SUPT3H: variants seen among roughly 807,000 people sequenced by gnomAD.
The protein encoded by SUPT3H is transcription initiation protein SPT3 homolog.
A neutral mutation model predicts 44.3 loss-of-function variants in SUPT3H; 44 were observed. The observed-to-expected ratio is 0.99, with a 90% CI of 0.78 to 1.28. SUPT3H has a LOEUF of 1.28. Ranked by LOEUF, SUPT3H falls within the 50% of genes most tolerant of loss-of-function variation. The pLI, the probability that SUPT3H is intolerant of heterozygous loss-of-function variation, is 0.00. For synonymous variants in SUPT3H, 124 were observed against 125.6 expected, an observed-to-expected ratio of 0.99 and a Z score of 0.09; for missense variants, 380 against 387.1, an observed-to-expected ratio of 0.98 and a Z score of 0.15.
In SUPT3H at chr6:45,112,755, A is replaced by T. The variant is rs573064840; in HGVS notation, c.102-6749T>A. On this transcript the variant is annotated intron_variant, in intron 2 of 10. Coordinates refer to ENST00000371459, the MANE Select transcript of SUPT3H (RefSeq NM_003599.4). Reference sequence around the variant, plus strand: ...CAGCCTGCTGGGCCAGTCACCAAGCATACAAGGCCTACAAGCAGATCTACT... The same window carrying T: ...CAGCCTGCTGGGCCAGTCACCAAGCTTACAAGGCCTACAAGCAGATCTACT... Among the ~76,000 whole-genome samples, 46 of 152,278 alleles carry T rather than the reference A, an allele frequency of 3.0e-4. 2 individuals carry two copies. The South Asian group carries it at 9.3e-3, about 31-fold the overall frequency.
At chr6:45,177,564 C>G (rs372309478) in intron 2 of SUPT3H, among the ~76,000 whole-genome samples, 18 of 151,798 alleles carry the variant, frequency 1.2e-4, no homozygotes, top group East Asian at 9.6e-4. Flanking sequence ...AGGAAATACA[C>G]AGAACACCAC....
At chr6:45,021,259 A>G (rs1470297763) in intron 3 of SUPT3H, among the ~76,000 whole-genome samples, 2 of 152,006 alleles carry the variant, frequency 1.3e-5, no homozygotes, top group Admixed American at 6.6e-5. Flanking sequence ...TACTGCACTA[A>G]AAGTTAGATT....
chr6:45,033,628 A>G (rs1403244622), intron 3 of SUPT3H, among the ~76,000 whole-genome samples: 1 of 152,194 alleles, frequency 6.6e-6, no homozygotes, highest in Admixed American at 6.6e-5. Context: ...TAGAAATCAG[A>G]CAACTGCAAG....
intron 10 of SUPT3H, among the ~76,000 whole-genome samples, chr6:44,904,977 C>G (rs1765748545): frequency 6.6e-6 from 1 of 152,150 alleles, no homozygotes; most frequent in Non-Finnish European, 1.5e-5. Flanking sequence ...ATGTAGAAAG[C>G]TGAAACTGGA....
chr6:44,975,456 T>C (rs1778193106), intron 6 of SUPT3H, among the ~76,000 whole-genome samples: 1 of 152,190 alleles, frequency 6.6e-6, no homozygotes, highest in Middle Eastern at 3.2e-3. Context: ...TGGAGATCAT[T>C]ATTCTAAGTG....
At chr6:44,962,121 G>A (rs988474902) in intron 6 of SUPT3H, among the ~76,000 whole-genome samples, 1 of 152,052 alleles carries the variant, frequency 6.6e-6, no homozygotes, top group African/African-American at 2.4e-5. Flanking sequence ...TAAAGAAAAA[G>A]AAAATGATGA....
At chr6:44,906,300 A>T (rs998069943) in intron 10 of SUPT3H, among the ~76,000 whole-genome samples, 1 of 152,230 alleles carries the variant, frequency 6.6e-6, no homozygotes, top group South Asian at 2.1e-4. Flanking sequence ...TATCTTCAGT[A>T]TATTTAATAT....
At chr6:45,173,730 T>G (rs75895924) in intron 2 of SUPT3H, among the ~76,000 whole-genome samples, 1 of 152,210 alleles carries the variant, frequency 6.6e-6, no homozygotes, top group African/African-American at 2.4e-5. Flanking sequence ...AAAGGCCACA[T>G]ACATACTTCA....
chr6:45,273,891 T>TA (rs1443682531), intron 2 of SUPT3H, among the ~76,000 whole-genome samples: 8 of 152,218 alleles, frequency 5.3e-5, no homozygotes, highest in Admixed American at 5.2e-4. Context: ...GAAAAACTGC[T>TA]AAAAATGTTT....
intron 3 of SUPT3H, among the ~76,000 whole-genome samples, chr6:45,081,545 C>A (rs575745253): frequency 1.3e-5 from 2 of 152,060 alleles, no homozygotes; most frequent in Admixed American, 6.6e-5. Flanking sequence ...ACCATTATAT[C>A]CCCAGTACCT....
chr6:45,368,040 GA>G (rs1329508980), intron 1 of SUPT3H, among the ~76,000 whole-genome samples: 1 of 151,976 alleles, frequency 6.6e-6, no homozygotes, highest in Non-Finnish European at 1.5e-5. Context: ...CATTAAAAAA[GA>G]AAAGTCTGTT....
chr6:44,820,085 G>A (rs1183886605), intron 11 of SUPT3H, among the ~76,000 whole-genome samples: 4 of 151,980 alleles, frequency 2.6e-5, no homozygotes, highest in Non-Finnish European at 5.9e-5. Flanking sequence ...CGGGCATGGT[G>A]GCATGCGCCT....
chr6:45,039,644 G>C (rs942427113), intron 3 of SUPT3H, among the ~76,000 whole-genome samples: 1 of 152,012 alleles, frequency 6.6e-6, no homozygotes, highest in East Asian at 1.9e-4. Context: ...GCTGGGCGTG[G>C]TGTTGGGCTC....
chr6:45,276,612 T>C (rs1264419067), intron 2 of SUPT3H, among the ~76,000 whole-genome samples: 2 of 152,178 alleles, frequency 1.3e-5, no homozygotes, highest in African/African-American at 4.8e-5. Context: ...CTCTGGCCAA[T>C]AGATTAAAGT....
chr6:45,062,173 A>G (rs1262766162), intron 3 of SUPT3H, among the ~76,000 whole-genome samples: 1 of 152,046 alleles, frequency 6.6e-6, no homozygotes, highest in African/African-American at 2.4e-5. Flanking sequence ...AATTATTTCA[A>G]TTCAGTCCAT....
intron 6 of SUPT3H, among the ~76,000 whole-genome samples, chr6:44,994,037 C>T (rs190947820): frequency 6.6e-6 from 1 of 151,866 alleles, no homozygotes; most frequent in Non-Finnish European, 1.5e-5. Context: ...GGCTCAAAAA[C>T]AAAACCAATA....
chr6:45,108,201 A>G (rs1799538989), intron 2 of SUPT3H, among the ~76,000 whole-genome samples: 1 of 152,238 alleles, frequency 6.6e-6, no homozygotes, highest in African/African-American at 2.4e-5. Context: ...GGCCAGGCAC[A>G]GTGGCTCATA....
chr6:45,016,113 G>A (rs1014066454), intron 4 of SUPT3H, among the ~76,000 whole-genome samples: 1 of 151,834 alleles, frequency 6.6e-6, no homozygotes, highest in Admixed American at 6.6e-5. Flanking sequence ...TATGTGCTAT[G>A]CTTTTATACC....
Position 44,828,512 on chromosome 6 carries a change from G to GAAAC in SUPT3H, c.*1300_*1303dup, listed in dbSNP as rs1293630871. ...AATAAAAAGTCTTGAATTTAAAATT[G>GAAAC]AAACAGTGTTTTTGAATCGCAACTA... On this transcript the variant is annotated 3_prime_UTR_variant, in exon 11 of 11. Transcript: ENST00000371459. 6.6e-6 allele frequency among the ~76,000 whole-genome samples: 1 copy of GAAAC among 152,126 alleles called. No individual in the cohort carries two copies. Among genetic ancestry groups the GAAAC allele is most frequent in the Non-Finnish European group, 1.5e-5 (1 of 68,000 alleles).
Sources: allele counts gnomAD v4.1 joint callset (sites outside exome capture counted in the v4.1 genomes callset), GRCh38; gene constraint gnomAD v4.1.1; transcripts MANE v1.5; gene names NCBI Gene and HGNC (gene_info 2026-07-23, HGNC 2026-07-21).